Variants in GSE1 observed in about 807,000 individuals in gnomAD.
GSE1 encodes the protein Gse1 coiled-coil protein, also known as genetic suppressor element 1.
GSE1 carries 32 observed loss-of-function variants against 112.6 expected under a neutral mutation model. That is an observed-to-expected ratio of 0.28 (90% confidence interval 0.21 to 0.38). The LOEUF (loss-of-function observed/expected upper bound fraction) is 0.38. GSE1 is among the 10% of genes least tolerant of loss of function. The probability of loss-of-function intolerance (pLI) is 1.00; values close to 1 mark genes in which losing one functional copy is unlikely to be tolerated. For synonymous variants in GSE1, 1,115 were observed against 735.6 expected, an observed-to-expected ratio of 1.52 and a Z score of -8.35; for missense variants, 2,348 against 1,699.2, an observed-to-expected ratio of 1.38 and a Z score of -6.71.
chr16:85,228,232 A>G (rs1411680481), intron 1 of GSE1, among the ~76,000 whole-genome samples: 2 of 152,228 alleles, frequency 1.3e-5, no homozygotes, highest in African/African-American at 4.8e-5. Context: ...GTCTGGGGGT[A>G]GTGTCAAGAG....
rs528953872 is a variant in GSE1, at chr16:85,174,465, G to A, written c.2283+2658G>A. On this transcript the variant is annotated intron_variant, in intron 1 of 2. Transcript: ENST00000637419. ...GAGAAGCCTCAGCTCTCAGCTCCCA[G>A]GGAAGCACGATTGACAGCCGGGAGA... Among the ~76,000 whole-genome samples the A allele has an allele frequency of 7.2e-5, 11 of 152,346 alleles. No individual in the cohort carries two copies. In the East Asian group the frequency reaches 1.7e-3, roughly 24 times the overall value.
chr16:85,441,532 G>A (rs2049376019), intron 2 of GSE1, among the ~76,000 whole-genome samples: 1 of 152,208 alleles, frequency 6.6e-6, no homozygotes, highest in African/African-American at 2.4e-5. Context: ...GTGTGCGCCT[G>A]TAATCCCAGC....
chr16:85,335,346 TG>T (rs1193993586), intron 1 of GSE1, among the ~76,000 whole-genome samples: 1 of 152,248 alleles, frequency 6.6e-6, no homozygotes, highest in African/African-American at 2.4e-5. Context: ...CGTACTGTCT[TG>T]GCATTCTTTC....
intron 2 of GSE1, among the ~76,000 whole-genome samples, chr16:85,645,642 G>A (rs764881376): frequency 3.9e-5 from 6 of 152,254 alleles, no homozygotes; most frequent in South Asian, 4.1e-4. Flanking sequence ...CCTGTGAGCA[G>A]CAGTTTTCTT....
At chr16:85,316,843 C>T (rs1287908762) in intron 1 of GSE1, among the ~76,000 whole-genome samples, 2 of 152,210 alleles carry the variant, frequency 1.3e-5, no homozygotes, top group African/African-American at 2.4e-5. Flanking sequence ...GCTCAGGGAA[C>T]CCCGCCCGGC....
At chr16:85,554,988 C>G, upstream of GSE1, 2 of 985,376 alleles carry the variant, frequency 2.0e-6, no homozygotes, top group Non-Finnish European at 1.2e-6. Context: ...GCTCCCCGTC[C>G]GCATGGATCT....
chr16:85,249,827 G>A (rs1469866068), intron 1 of GSE1, among the ~76,000 whole-genome samples: 1 of 152,248 alleles, frequency 6.6e-6, no homozygotes, highest in African/African-American at 2.4e-5. Flanking sequence ...TGGCAGGTGG[G>A]CAGGGAGATG....
At chr16:85,499,477 A>AT (rs1437681750) in intron 2 of GSE1, among the ~76,000 whole-genome samples, 1 of 151,546 alleles carries the variant, frequency 6.6e-6, no homozygotes, top group Non-Finnish European at 1.5e-5. Flanking sequence ...CGCCCGGCTA[A>AT]TTTTTTGTAT....
At chr16:85,629,413 G>A (rs1289650348) in intron 1 of GSE1, among the ~76,000 whole-genome samples, 3 of 152,160 alleles carry the variant, frequency 2.0e-5, no homozygotes, top group Non-Finnish European at 2.9e-5. Context: ...ATGACCATAC[G>A]GTGCCCCACG....
chr16:85,648,321 G>T (rs1457811864), intron 2 of GSE1, among the ~76,000 whole-genome samples: 1 of 152,146 alleles, frequency 6.6e-6, no homozygotes, highest in African/African-American at 2.4e-5. Flanking sequence ...CAGGGCCCGT[G>T]GGGCAAAGGG....
chr16:85,464,344 G>A (rs1290517081), intron 2 of GSE1, among the ~76,000 whole-genome samples: 2 of 152,078 alleles, frequency 1.3e-5, no homozygotes, highest in Non-Finnish European at 2.9e-5. Context: ...GGGGGCCGGG[G>A]TGGGGGGCAG....
chr16:85,325,305 G>T (rs936911531), intron 1 of GSE1, among the ~76,000 whole-genome samples: 1 of 152,130 alleles, frequency 6.6e-6, no homozygotes, highest in Non-Finnish European at 1.5e-5. Context: ...AGTGGCGAGG[G>T]GGGCAGGCCT....
chr16:85,395,235 A>C (rs1236886253), intron 2 of GSE1, among the ~76,000 whole-genome samples: 2 of 152,154 alleles, frequency 1.3e-5, no homozygotes, highest in Admixed American at 1.3e-4. Flanking sequence ...CCGAATGAAC[A>C]GGTAAAATCT....
rs147820282 is a variant in GSE1 at position 85,395,132 on chromosome 16, G to A, written c.2464+37489G>A. Among the ~76,000 whole-genome samples, 552 of 152,250 alleles carry A rather than the reference G, an allele frequency of 3.6e-3. 6 individuals carry two copies. The highest frequency in any genetic ancestry group is 0.013 in the African/African-American group (528 of 41,548). On this transcript the variant is annotated intron_variant, in intron 2 of 2. Transcript: ENST00000637419. ...AGCCACACAAAGCTGAGGATGAGGA[G>A]GAAGGATGGTCTGGGGCAAGCTGGG...
exon 1 of GSE1, chr16:85,170,105 G>A: frequency 1.0e-6 from 1 of 985,230 alleles, no homozygotes; most frequent in Non-Finnish European, 1.2e-6. Context: ...GACGCCGCCA[G>A]CCCCCACCAG....
intron 1 of GSE1, among the ~76,000 whole-genome samples, chr16:85,315,576 G>C (rs1365748801): frequency 6.6e-6 from 1 of 152,104 alleles, no homozygotes; most frequent in African/African-American, 2.4e-5. Flanking sequence ...GGGGACAAGA[G>C]TAACCAAAAC....
intron 1 of GSE1, among the ~76,000 whole-genome samples, chr16:85,614,946 A>T (rs2048277218): frequency 6.6e-6 from 1 of 152,172 alleles, no homozygotes; most frequent in Admixed American, 6.5e-5. Flanking sequence ...GGCGGGGGAC[A>T]AAGGGGCAGA....
intron 2 of GSE1, among the ~76,000 whole-genome samples, chr16:85,442,105 G>A (rs1323269520): frequency 6.6e-6 from 1 of 152,232 alleles, no homozygotes; most frequent in Non-Finnish European, 1.5e-5. Flanking sequence ...TGCACCTGCT[G>A]TTGTGGATGG....
At chr16:85,578,830 C>T (rs552269708) in intron 1 of GSE1, among the ~76,000 whole-genome samples, 40 of 152,210 alleles carry the variant, frequency 2.6e-4, no homozygotes, top group Non-Finnish European at 4.0e-4. Context: ...CTCTGGCCAC[C>T]GTGCACCCCG....
Sources: gnomAD v4.1 joint callset for allele counts (sites outside exome capture counted in the v4.1 genomes callset) on GRCh38, gnomAD v4.1.1 for gene constraint, MANE v1.5 for transcripts, NCBI Gene and HGNC (gene_info 2026-07-23, HGNC 2026-07-21) for gene names.